COLQ: variants seen among roughly 807,000 people sequenced by gnomAD.
COLQ encodes the protein collagen like tail subunit of asymmetric acetylcholinesterase.
In COLQ, 48 loss-of-function variants were observed where a neutral mutation model predicts 69.0. That is an observed-to-expected ratio of 0.70 (90% CI 0.55 to 0.88). The LOEUF (loss-of-function observed/expected upper bound fraction) is 0.88. Ranked by LOEUF, COLQ falls within the 40% of genes least tolerant of loss-of-function variation. The pLI is 0.00. For synonymous variants in COLQ, 217 were observed against 211.2 expected (o/e 1.03, Z -0.24); for missense variants, 618 against 594.6 (o/e 1.04, Z -0.41).
chr3:15,455,836 G>C, intron 15 of COLQ, 63 bp downstream of exon 15: 4 of 1,607,692 alleles, frequency 2.5e-6, no homozygotes, highest in Non-Finnish European at 3.4e-6. Flanking sequence ...GTCCAGGGCT[G>C]GCCCTGAGTC....
Position 15,456,553 on chromosome 3 carries a change from C to G in COLQ, c.981G>C (p.Glu327Asp). The part of the protein sequence containing the change: ...PVIFVVNNQE[E>D]LERLNTQNAI... ...CGTTTTGGGTGTTCAGCCTCTCAAGCTCCTCCTGGTTGTTGACCACAAAAA... is the reference window on the plus strand; with the variant it reads ...CGTTTTGGGTGTTCAGCCTCTCAAGGTCCTCCTGGTTGTTGACCACAAAAA... Residue 327 changes from glutamate (E) to aspartate (D), a missense_variant, in exon 14 of 17, where the codon GAG (glutamate) becomes GAC (aspartate). Coordinates refer to ENST00000383788, the MANE Select transcript of COLQ (RefSeq NM_005677.4). 6.2e-7 allele frequency: 1 copy of G among 1,614,134 alleles called. No individual in the cohort carries two copies. The highest frequency in any genetic ancestry group is 1.3e-5 in the African/African-American group (1 of 75,048).
intron 1 of COLQ, among the ~76,000 whole-genome samples, chr3:15,503,876 A>T (rs938789656): frequency 7.9e-5 from 12 of 152,130 alleles, no homozygotes; most frequent in Non-Finnish European, 1.5e-4. Flanking sequence ...CCTCAGAAGA[A>T]ATGGCACCCA....
intron 4 of COLQ, 121 bp downstream of exon 4, chr3:15,479,217 C>G: frequency 8.3e-7 from 1 of 1,211,436 alleles, no homozygotes; most frequent in Non-Finnish European, 1.2e-6. Context: ...AACCCAGCCT[C>G]TCACCAAGGC....
chr3:15,504,441 T>G (rs1330751318), intron 1 of COLQ, among the ~76,000 whole-genome samples: 1 of 152,246 alleles, frequency 6.6e-6, no homozygotes, highest in Non-Finnish European at 1.5e-5. Flanking sequence ...GAACACATCC[T>G]TCGTGTCTCT....
At chr3:15,478,722 T>C in intron 5 of COLQ, 1 of 576,460 alleles carries the variant, frequency 1.7e-6, no homozygotes, top group Non-Finnish European at 3.1e-6. Context: ...GTGAGAGGGG[T>C]GGAATTTGGC....
At chr3:15,481,527 TG>T (rs779290609) in intron 3 of COLQ, among the ~76,000 whole-genome samples, 4 of 152,200 alleles carry the variant, frequency 2.6e-5, no homozygotes, top group Non-Finnish European at 5.9e-5. Context: ...TGGTTGTAGA[TG>T]TGTGGTATTA....
At chr3:15,476,785 C>A (rs543555573) in intron 6 of COLQ, among the ~76,000 whole-genome samples, 1 of 152,346 alleles carries the variant, frequency 6.6e-6, no homozygotes, top group South Asian at 2.1e-4. Flanking sequence ...GTCAGCATGA[C>A]AGGCAAGAGC....
At chr3:15,498,900 C>T (rs905126365) in intron 1 of COLQ, 11 of 1,308,086 alleles carry the variant, frequency 8.4e-6, no homozygotes, top group Middle Eastern at 3.0e-4. Context: ...GATACTTATC[C>T]CCCTGCAAGC....
chr3:15,458,651 G>A (rs1373763437), intron 12 of COLQ, among the ~76,000 whole-genome samples: 2 of 152,164 alleles, frequency 1.3e-5, no homozygotes, highest in African/African-American at 4.8e-5. Context: ...AGGCTCATGG[G>A]GCCTGGGGCC....
At chr3:15,509,031 G>A (rs999757228) in intron 1 of COLQ, among the ~76,000 whole-genome samples, 1 of 152,010 alleles carries the variant, frequency 6.6e-6, no homozygotes, top group African/African-American at 2.4e-5. Context: ...TAAGAAGAAG[G>A]AGGATCTTAA....
Position 15,489,608 on chromosome 3 carries a change from C to G in COLQ, c.136G>C (p.Gly46Arg). The G allele has an allele frequency of 6.2e-7, 1 of 1,614,132 alleles. No individual in the cohort carries two copies. Among genetic ancestry groups the G allele is most frequent in the Non-Finnish European group, 8.5e-7 (1 of 1,180,018 alleles). The change falls in exon 2 of 17, where the codon GGT becomes CGT. Residue 46 changes from glycine to arginine, a missense_variant. By Grantham distance (125) the Gly-to-Arg change is moderately radical. Coordinates refer to ENST00000383788, the MANE Select transcript of COLQ (RefSeq NM_005677.4). Reference sequence around the variant, plus strand: ...AGCAGGCAGCATGCTTTGTGGCCACCACGCTTCTTCTGATCCAGGCTGGGA... The same window carrying G: ...AGCAGGCAGCATGCTTTGTGGCCACGACGCTTCTTCTGATCCAGGCTGGGA... The part of the protein sequence containing the change: ...ALPSLDQKKR[G>R]GHKACCLLTP...
intron 11 of COLQ, among the ~76,000 whole-genome samples, chr3:15,469,135 T>C (rs1459942653): frequency 6.6e-6 from 1 of 152,192 alleles, no homozygotes; most frequent in Non-Finnish European, 1.5e-5. Context: ...TTGTTCACAA[T>C]GTCTTGTCGA....
intron 3 of COLQ, among the ~76,000 whole-genome samples, chr3:15,484,338 G>A (rs2062539346): frequency 6.6e-6 from 1 of 152,190 alleles, no homozygotes; most frequent in South Asian, 2.1e-4. Context: ...ATGATTTTGT[G>A]GTGGCTGGTA....
Position 15,474,048 on chromosome 3 carries a change from C to T in COLQ, c.601-13G>A, listed in dbSNP as rs1414189852. The T allele has an allele frequency of 6.2e-7, 1 of 1,613,994 alleles. No homozygotes were observed. The highest frequency in any genetic ancestry group is 1.3e-5 in the African/African-American group (1 of 74,902). ...ATCCTGGGAAACCCTGTGAAAAGAGCAACAAATAATTGTGATCACCTCTGA... is the reference window on the plus strand; with the variant it reads ...ATCCTGGGAAACCCTGTGAAAAGAGTAACAAATAATTGTGATCACCTCTGA... On this transcript the variant is annotated splice_polypyrimidine_tract_variant and intron_variant, in intron 9 of 16. Coordinates refer to ENST00000383788, the MANE Select transcript of COLQ (RefSeq NM_005677.4).
rs762838086 is a variant in COLQ at position 15,488,294 on chromosome 3, T to A, written c.233A>T (p.Asp78Val). 3 of 1,613,344 alleles carry A rather than the reference T, an allele frequency of 1.9e-6. No individual in the cohort carries two copies. Among genetic ancestry groups the A allele is most frequent in the Non-Finnish European group, 2.5e-6 (3 of 1,179,968 alleles). The change falls in exon 3 of 17, where the codon GAC (aspartate) becomes GTC (valine). Residue 78 changes from aspartate (D) to valine (V), a missense_variant. Coordinates refer to ENST00000383788, the MANE Select transcript of COLQ (RefSeq NM_005677.4). ...RGGRSPLLSP[D>V]MKNLMLELET... ...CAGTTCCAGCATGAGATTCTTCATG[T>A]CTGGGGAGAGAAGCTTCAGTACAAA...
intron 3 of COLQ, among the ~76,000 whole-genome samples, chr3:15,480,842 T>G (rs1424687368): frequency 6.6e-6 from 1 of 152,214 alleles, no homozygotes; most frequent in African/African-American, 2.4e-5. Context: ...CTCCAGCACC[T>G]GTTGTTTCCT....
chr3:15,498,882 A>T, intron 1 of COLQ: 2 of 1,346,706 alleles, frequency 1.5e-6, no homozygotes, highest in Non-Finnish European at 9.6e-7. Context: ...TGAGGTTGGG[A>T]GCCCAGGGAT....
intron 1 of COLQ, among the ~76,000 whole-genome samples, chr3:15,518,878 A>G (rs2063098745): frequency 6.6e-6 from 1 of 152,212 alleles, no homozygotes; most frequent in Admixed American, 6.5e-5. Context: ...TCACTAAGTT[A>G]TAATGCATAG....
chr3:15,462,347 T>G (rs1425878880), intron 12 of COLQ, among the ~76,000 whole-genome samples: 1 of 152,102 alleles, frequency 6.6e-6, no homozygotes, highest in Admixed American at 6.5e-5. Context: ...TCTTTTTAAC[T>G]CCTTCCTTGC....
Sources: allele counts gnomAD v4.1 joint callset (sites outside exome capture counted in the v4.1 genomes callset), GRCh38; gene constraint gnomAD v4.1.1; transcripts MANE v1.5; gene names NCBI Gene and HGNC (gene_info 2026-07-23, HGNC 2026-07-21).